The following SMARCA1 variants were observed in gnomAD, a reference collection of about 807,000 sequenced individuals.
SMARCA1 encodes SNF2 related chromatin remodeling ATPase 1.
SMARCA1 carries 17 observed loss-of-function variants against 93.6 expected under a neutral mutation model. The observed-to-expected ratio is 0.18, with a 90% CI of 0.12 to 0.27. The LOEUF is 0.27. Ranked by LOEUF, SMARCA1 falls within the 10% of genes least tolerant of loss-of-function variation. The pLI, the probability that SMARCA1 is intolerant of heterozygous loss-of-function variation, is 1.00. For missense variants in SMARCA1, 630 were observed against 819.0 expected (o/e 0.77, Z 2.82); for synonymous variants, 271 against 271.4 (o/e 1.00, Z 0.01).
intron 2 of SMARCA1, 92 bp downstream of exon 2, chrX:129,518,269 C>T (rs1039758755): frequency 3.5e-5 from 15 of 429,544 alleles, no homozygotes; most frequent in Non-Finnish European, 6.0e-5. Context: ...ATTCTCTATG[C>T]ATTATATATA....
At chrX:129,496,337 T>A (rs1437951284) in intron 12 of SMARCA1, among the ~76,000 whole-genome samples, 3 of 108,467 alleles carry the variant, frequency 2.8e-5, no homozygotes, top group Non-Finnish European at 5.7e-5. Flanking sequence ...GTCTTTAGGG[T>A]TGCTTATAAA....
At chrX:129,475,807 T>C (rs1432243141) in intron 19 of SMARCA1, among the ~76,000 whole-genome samples, 1 of 112,180 alleles carries the variant, frequency 8.9e-6, no homozygotes, top group Non-Finnish European at 1.9e-5. Flanking sequence ...TATGGAGTAC[T>C]GAATTAAATG....
intron 21 of SMARCA1, among the ~76,000 whole-genome samples, 196 bp downstream of exon 21, chrX:129,468,577 T>A (rs1005884035): frequency 8.9e-6 from 1 of 112,232 alleles, no homozygotes; most frequent in Non-Finnish European, 1.9e-5. Context: ...ATAGAGACAA[T>A]AGCAGTCAGT....
At chrX:129,500,263 C>T (rs763582312) in intron 9 of SMARCA1, among the ~76,000 whole-genome samples, 99 of 112,143 alleles carry the variant, frequency 8.8e-4, no homozygotes, top group African/African-American at 3.1e-3. Flanking sequence ...CGCCTCCTGG[C>T]TTCAAGCAAT....
chrX:129,472,199 T>C (rs1022501098), intron 19 of SMARCA1, among the ~76,000 whole-genome samples: 4 of 112,004 alleles, frequency 3.6e-5, no homozygotes, highest in Admixed American at 1.9e-4. Flanking sequence ...TCTCTCAGCC[T>C]AAAGCCTGAT....
At chrX:129,463,996 T>C (rs1368330673) in intron 23 of SMARCA1, among the ~76,000 whole-genome samples, 1 of 112,083 alleles carries the variant, frequency 8.9e-6, no homozygotes, top group Non-Finnish European at 1.9e-5. Context: ...AATGTTGTGT[T>C]GCTGGATTCA....
At chrX:129,483,498 G>GT (rs35816575) in intron 17 of SMARCA1, among the ~76,000 whole-genome samples, 10,880 of 111,679 alleles carry the variant, frequency 0.097, 510 homozygotes, top group East Asian at 0.35. Flanking sequence ...ATGGATTAAT[G>GT]TGAAGCGACA....
chrX:129,519,624 C>G (rs1331623989), intron 1 of SMARCA1, among the ~76,000 whole-genome samples: 1 of 111,640 alleles, frequency 9.0e-6, no homozygotes, highest in Non-Finnish European at 1.9e-5. Flanking sequence ...GTTACACTAA[C>G]CCAAATAATA....
intron 17 of SMARCA1, among the ~76,000 whole-genome samples, chrX:129,485,016 G>A (rs1271053713): frequency 8.9e-6 from 1 of 112,650 alleles, no homozygotes; most frequent in Non-Finnish European, 1.9e-5. Context: ...ATGCTGAGTG[G>A]AAATGTGAGG....
At chrX:129,489,560 T>C (rs1189517717) in intron 15 of SMARCA1, among the ~76,000 whole-genome samples, 13 of 112,461 alleles carry the variant, frequency 1.2e-4, no homozygotes, top group African/African-American at 4.2e-4. Context: ...GTTTGTTTGT[T>C]TGTTTGTTTG....
At chrX:129,495,610 G>T (rs1004671532) in intron 12 of SMARCA1, among the ~76,000 whole-genome samples, 4 of 110,724 alleles carry the variant, frequency 3.6e-5, no homozygotes, top group African/African-American at 1.3e-4. Context: ...CTAGCCTCAA[G>T]CAATCCTCCT....
chrX:129,504,565 A>AAAC lies in SMARCA1; in HGVS notation c.1167+168_1167+169insGTT, dbSNP rs1247584209. Among the ~76,000 whole-genome samples the AAAC allele has an allele frequency of 2.3e-3, 226 of 98,060 alleles. 6 individuals are homozygous for AAAC. Among genetic ancestry groups the AAAC allele is most frequent in the African/African-American group, 9.2e-3 (222 of 24,096 alleles). 85.2% of individuals were successfully genotyped at this position (98,060 alleles called of 115,157 possible). The stretch of plus-strand genomic sequence containing the variant: ...ATAGAGGAATAAAAAAAAAAAAAAA[A>AAAC]AAAAAAAAAAAAAAAACAAAGAGGC... On this transcript the variant is annotated intron_variant, in intron 9 of 24. Coordinates refer to ENST00000371121, the MANE Select transcript of SMARCA1 (RefSeq NM_001282874.2).
intron 23 of SMARCA1, among the ~76,000 whole-genome samples, chrX:129,451,379 G>A (rs1269589795): frequency 9.0e-6 from 1 of 111,059 alleles, no homozygotes; most frequent in African/African-American, 3.3e-5. Flanking sequence ...ATATCCTCTG[G>A]CTATTATTAT....
intron 19 of SMARCA1, among the ~76,000 whole-genome samples, chrX:129,473,909 G>C (rs1182326801): frequency 2.7e-5 from 3 of 111,302 alleles, no homozygotes; most frequent in African/African-American, 9.8e-5. Context: ...AAAAAACATT[G>C]AATGGTACAC....
intron 5 of SMARCA1, among the ~76,000 whole-genome samples, chrX:129,512,702 AT>A (rs1281365127): frequency 8.9e-6 from 1 of 112,016 alleles, no homozygotes; most frequent in South Asian, 3.7e-4. Flanking sequence ...GCTTAAAGCT[AT>A]TTTTTTATTG....
intron 8 of SMARCA1, 25 bp from the exon 9 acceptor site, chrX:129,504,827 A>ATGAG (rs764789258): frequency 9.9e-7 from 1 of 1,008,175 alleles, no homozygotes; most frequent in South Asian, 2.0e-5. Flanking sequence ...AAATTCTCCA[A>ATGAG]TGAGTGCACA....
intron 1 of SMARCA1, among the ~76,000 whole-genome samples, chrX:129,522,320 A>T (rs1192325481): frequency 9.3e-6 from 1 of 107,014 alleles, no homozygotes; most frequent in Admixed American, 9.9e-5. Flanking sequence ...TTAAAGGAGA[A>T]AAAAAAAAAA....
intron 23 of SMARCA1, among the ~76,000 whole-genome samples, chrX:129,454,666 C>T (rs1012546409): frequency 8.1e-5 from 9 of 111,388 alleles, no homozygotes; most frequent in Non-Finnish European, 1.7e-4. Flanking sequence ...TATTATTATA[C>T]TTTAAGTTCT....
At chrX:129,463,039 C>T (rs1932832866) in intron 23 of SMARCA1, among the ~76,000 whole-genome samples, 1 of 110,969 alleles carries the variant, frequency 9.0e-6, no homozygotes, top group Non-Finnish European at 1.9e-5. Flanking sequence ...GAATGTGTTT[C>T]GTCCTACTGG....
Sources: gnomAD v4.1 joint callset for allele counts (sites outside exome capture counted in the v4.1 genomes callset) on GRCh38, gnomAD v4.1.1 for gene constraint, MANE v1.5 for transcripts, NCBI Gene and HGNC (gene_info 2026-07-23, HGNC 2026-07-21) for gene names.